The following RASA4B variants were observed in gnomAD, a reference collection of about 807,000 sequenced individuals.
RASA4B encodes ras GTPase-activating protein 4B.
RASA4B carries 2 observed loss-of-function variants against 24.2 expected under a neutral mutation model. The ratio of observed to expected loss-of-function variants is 0.08; its 90% CI spans 0.03 to 0.26. The LOEUF (loss-of-function observed/expected upper bound fraction) is 0.26, where lower values mean the gene tolerates loss of function less well. Ranked by LOEUF, RASA4B falls within the 10% of genes least tolerant of loss-of-function variation. RASA4B has a pLI of 1.00. For missense variants in RASA4B, 8 were observed against 277.2 expected, an observed-to-expected ratio of 0.03 and a Z score of 6.90; for synonymous variants, 2 against 125.6, an observed-to-expected ratio of 0.02 and a Z score of 6.58.
At position 102,480,063 on chromosome 7, in the gene RASA4B, G is replaced by C. The variant is rs1009222167; in HGVS notation, c.*3529C>G. On this transcript the variant is annotated 3_prime_UTR_variant, in exon 21 of 21. Coordinates refer to ENST00000465829, the MANE Select transcript of RASA4B (RefSeq NM_001367767.2). ...GAAACACCAGGCCATACAGAGATAG[G>C]AGCTGAGGGGACAATGAGGAGTGAC... Among the ~76,000 whole-genome samples the C allele has an allele frequency of 6.6e-6, 1 of 152,044 alleles. No individual in the cohort carries two copies. The highest frequency in any genetic ancestry group is 2.4e-5 in the African/African-American group (1 of 41,420).
chr7:102,506,349 CA>C (rs1799506993), intron 5 of RASA4B, among the ~76,000 whole-genome samples: 1 of 152,116 alleles, frequency 6.6e-6, no homozygotes, highest in African/African-American at 2.4e-5. Flanking sequence ...CTCCTGGGTT[CA>C]AGACTCCTGC....
rs1380490579 is a variant in RASA4B, at chr7:102,480,653, C to G, written c.*2939G>C. On this transcript the variant is annotated 3_prime_UTR_variant, in exon 21 of 21. Transcript: ENST00000465829. ...TCTCATCTCTACCTCTCCCCCTGAC[C>G]CCTGCCTCTGGGTCATTTTGCAGCA... 1.7e-5 allele frequency among the ~76,000 whole-genome samples: 1 copy of G among 57,236 alleles called. No homozygotes were observed. Among genetic ancestry groups the G allele is most frequent in the Non-Finnish European group, 4.5e-5 (1 of 22,092 alleles). The allele number at this position is 57,236 out of a possible 152,430, so 37.5% of individuals were successfully genotyped here. A position where few individuals can be genotyped will look rare whatever the true frequency, so the allele number is the denominator to read the frequency against.
chr7:102,498,222 G>C (rs1799230714), intron 8 of RASA4B, among the ~76,000 whole-genome samples: 2 of 148,500 alleles, frequency 1.3e-5, no homozygotes, highest in Non-Finnish European at 3.0e-5. Context: ...TTTTAGTATA[G>C]GTATGTCTCA....
At chr7:102,484,683 G>A (rs1204652996) in intron 19 of RASA4B, among the ~76,000 whole-genome samples, 2 of 137,792 alleles carry the variant, frequency 1.5e-5, no homozygotes, top group African/African-American at 2.5e-5. Flanking sequence ...TTTTAAAGCT[G>A]ATCTTTAAAA....
rs1232786524 is a variant in RASA4B at position 102,511,577 on chromosome 7, C to A, written c.122+348G>T. The stretch of plus-strand genomic sequence containing the variant: ...GTCTGTAAATGGGGTCTAATGATAT[C>A]GTATCTCGTTAATTGCAAGAACTAA... On this transcript the variant is annotated intron_variant, in intron 2 of 20. Coordinates refer to ENST00000465829, the MANE Select transcript of RASA4B (RefSeq NM_001367767.2). 9.4e-5 allele frequency among the ~76,000 whole-genome samples: 8 copies of A among 85,500 alleles called. 2 individuals carry two copies. The highest frequency in any genetic ancestry group is 1.8e-4 in the Non-Finnish European group (7 of 39,424). 56.1% of individuals were successfully genotyped at this position (85,500 alleles called of 152,430 possible). A position where few individuals can be genotyped will look rare whatever the true frequency, so the allele number is the denominator to read the frequency against.
intron 17 of RASA4B, among the ~76,000 whole-genome samples, chr7:102,490,775 ATT>A: frequency 1.3e-4 from 2 of 15,988 alleles, no homozygotes; most frequent in East Asian, 3.6e-3. Flanking sequence ...CACCCAGGCC[ATT>A]CCCACAGCAC....
chr7:102,487,254 C>T (rs1308770271), intron 18 of RASA4B, among the ~76,000 whole-genome samples: 1 of 97,368 alleles, frequency 1.0e-5, no homozygotes, highest in African/African-American at 2.9e-5. Flanking sequence ...TCGTGCCGTG[C>T]CACTGCACTC....
chr7:102,498,750 C>T (rs1439390890), intron 8 of RASA4B, among the ~76,000 whole-genome samples: 5 of 106,760 alleles, frequency 4.7e-5, no homozygotes, highest in Non-Finnish European at 1.0e-4. Context: ...AGGCTGGTCT[C>T]GAACTCGTGA....
At chr7:102,484,699 C>T (rs78706841) in intron 19 of RASA4B, among the ~76,000 whole-genome samples, 28 of 138,314 alleles carry the variant, frequency 2.0e-4, no homozygotes, top group South Asian at 1.2e-3. Context: ...TAAAAGCATC[C>T]TGTTTTTCCT....
rs1471968219 is a variant in RASA4B, at chr7:102,481,234, T to TTTTTTTA, written c.*2357_*2358insTAAAAAA. 4.2e-3 allele frequency among the ~76,000 whole-genome samples: 234 copies of TTTTTTTA among 56,032 alleles called. No individual in the cohort carries two copies. Among genetic ancestry groups the TTTTTTTA allele is most frequent in the Non-Finnish European group, 6.9e-3 (154 of 22,196 alleles). The allele number at this position is 56,032 out of a possible 152,430, so 36.8% of individuals were successfully genotyped here. ...TTTCCCTTTTTTTTTTTTTTTTTTT[T>TTTTTTTA]AATTTTAGGGACTAGGTTTTGCTAT... On this transcript the variant is annotated 3_prime_UTR_variant, in exon 21 of 21. Transcript: ENST00000465829.
In RASA4B at chr7:102,481,214, CTTTTTTTTTTT is replaced by C. The variant is rs538913748; in HGVS notation, c.*2367_*2377del. ...AAATTTCAAGTCTCCTTTATTTTCC[CTTTTTTTTTTT>C]TTTTTTTTTAATTTTAGGGACTAGG... On this transcript the variant is annotated 3_prime_UTR_variant, in exon 21 of 21. Coordinates refer to ENST00000465829, the MANE Select transcript of RASA4B (RefSeq NM_001367767.2). Among the ~76,000 whole-genome samples, 1 of 64,812 alleles carries C rather than the reference CTTTTTTTTTTT, an allele frequency of 1.5e-5. No individual in the cohort carries two copies. The highest frequency in any genetic ancestry group is 3.4e-5 in the Non-Finnish European group (1 of 29,566). The allele number at this position is 64,812 out of a possible 152,430, so 42.5% of individuals were successfully genotyped here.
chr7:102,512,824 TAAGAGGGAGGGAGTA>T (rs1799742237), intron 1 of RASA4B, among the ~76,000 whole-genome samples: 5 of 55,996 alleles, frequency 8.9e-5, no homozygotes, highest in Admixed American at 4.1e-4. Context: ...GGGAGGAGAG[TAAGAGGGAGGGAGTA>T]AAGAGGGAGG....
At chr7:102,506,492 C>T (rs1258900207) in intron 5 of RASA4B, among the ~76,000 whole-genome samples, 1 of 150,238 alleles carries the variant, frequency 6.7e-6, no homozygotes, top group Non-Finnish European at 1.5e-5. Context: ...GGTGAACCAC[C>T]TGCCTCGGCC....
At chr7:102,489,573 A>G (rs1798831672) in intron 17 of RASA4B, among the ~76,000 whole-genome samples, 1 of 146,508 alleles carries the variant, frequency 6.8e-6, no homozygotes, top group African/African-American at 2.5e-5. Context: ...GCTCACTGCA[A>G]CCTCCACCTC....
intron 4 of RASA4B, among the ~76,000 whole-genome samples, chr7:102,508,768 G>C (rs1441448244): frequency 1.4e-5 from 2 of 144,848 alleles, no homozygotes; most frequent in Non-Finnish European, 3.1e-5. Context: ...ACTGCACCCG[G>C]CCTCTATTTT....
intron 19 of RASA4B, among the ~76,000 whole-genome samples, chr7:102,484,723 G>A (rs545666040): frequency 6.7e-6 from 1 of 148,550 alleles, no homozygotes; most frequent in South Asian, 2.2e-4. Context: ...CTTCTGCCAA[G>A]GCTGAGAACC....
At chr7:102,500,404 G>A (rs1247719842) in intron 8 of RASA4B, among the ~76,000 whole-genome samples, 32 of 130,466 alleles carry the variant, frequency 2.5e-4, no homozygotes, top group African/African-American at 7.9e-4. Flanking sequence ...CCCGGGAGGC[G>A]GAGCCTGCAG....
intron 17 of RASA4B, among the ~76,000 whole-genome samples, chr7:102,489,722 T>G (rs1310927963): frequency 6.8e-6 from 1 of 147,854 alleles, no homozygotes; most frequent in African/African-American, 2.5e-5. Flanking sequence ...CCCCACTCTC[T>G]TCCCTCCCTT....
rs1174734163 is a variant in RASA4B, at chr7:102,481,046, G to A, written c.*2546C>T. Among the ~76,000 whole-genome samples, 2 of 91,256 alleles carry A rather than the reference G, an allele frequency of 2.2e-5. 1 individual carries two copies. Among genetic ancestry groups the A allele is most frequent in the Non-Finnish European group, 6.0e-5 (2 of 33,306 alleles). The allele number at this position is 91,256 out of a possible 152,430, so 59.9% of individuals were successfully genotyped here. A position where few individuals can be genotyped will look rare whatever the true frequency, so the allele number is the denominator to read the frequency against. On this transcript the variant is annotated 3_prime_UTR_variant, in exon 21 of 21. Coordinates refer to ENST00000465829, the MANE Select transcript of RASA4B (RefSeq NM_001367767.2). ...TTAACATTTTGTTTTGTTGCAATTGGTTAAATATCTTCTCTTTTTTATACT... is the reference window on the plus strand; with the variant it reads ...TTAACATTTTGTTTTGTTGCAATTGATTAAATATCTTCTCTTTTTTATACT...
Sources: gnomAD v4.1 joint callset for allele counts (sites outside exome capture counted in the v4.1 genomes callset) on GRCh38, gnomAD v4.1.1 for gene constraint, MANE v1.5 for transcripts, NCBI Gene and HGNC (gene_info 2026-07-23, HGNC 2026-07-21) for gene names.